The following SHROOM4 variants were observed in gnomAD, a reference collection of about 807,000 sequenced individuals.
SHROOM4 encodes the protein protein Shroom4.
SHROOM4 carries 17 observed loss-of-function variants against 80.3 expected under a neutral mutation model. That is an observed-to-expected ratio of 0.21 (90% CI 0.14 to 0.32). The LOEUF is 0.32. Among genes scored for constraint, SHROOM4 ranks in the 10% least tolerant of loss-of-function variants. The pLI, the probability that SHROOM4 is intolerant of heterozygous loss-of-function variation, is 1.00. For synonymous variants in SHROOM4, 400 were observed against 437.5 expected (o/e 0.91, Z 1.07); for missense variants, 993 against 1,140.3 (o/e 0.87, Z 1.86).
At chrX:50,671,124 A>G (rs1932793933) in intron 2 of SHROOM4, among the ~76,000 whole-genome samples, 1 of 111,750 alleles carries the variant, frequency 8.9e-6, no homozygotes, top group Non-Finnish European at 1.9e-5. Flanking sequence ...CTGAGCAGTA[A>G]TTATCAACAA....
At chrX:50,615,130 G>GTGTATA (rs2053342980) in intron 5 of SHROOM4, among the ~76,000 whole-genome samples, 1 of 100,146 alleles carries the variant, frequency 1.0e-5, no homozygotes, top group Non-Finnish European at 2.0e-5. Context: ...GTGTGTGTGT[G>GTGTATA]TATACACTAA....
At chrX:50,730,628 A>G (rs1332549708) in intron 1 of SHROOM4, among the ~76,000 whole-genome samples, 1 of 108,278 alleles carries the variant, frequency 9.2e-6, no homozygotes, top group Non-Finnish European at 1.9e-5. Flanking sequence ...TACAAAAATT[A>G]GCCAGGCTTG....
At chrX:50,625,957 G>A (rs915095180) in intron 5 of SHROOM4, among the ~76,000 whole-genome samples, 3 of 112,087 alleles carry the variant, frequency 2.7e-5, no homozygotes. Flanking sequence ...TTTCCTGAGA[G>A]TTTACGGTGT....
At chrX:50,727,631 G>A (rs1407973487) in intron 1 of SHROOM4, among the ~76,000 whole-genome samples, 3 of 112,017 alleles carry the variant, frequency 2.7e-5, no homozygotes, top group Non-Finnish European at 3.8e-5. Context: ...CTGCTGCCAC[G>A]TAAGATGTTC....
chrX:50,795,051 G>GATATATATATATATGATAT (rs57853672), intron 1 of SHROOM4, among the ~76,000 whole-genome samples: 1 of 2,515 alleles, frequency 4.0e-4, no homozygotes, highest in African/African-American at 4.6e-4. Context: ...ATATATATAT[G>GATATATATATATATGATAT]ATATATATAT....
intron 1 of SHROOM4, among the ~76,000 whole-genome samples, chrX:50,715,749 G>A (rs782773898): frequency 1.1e-4 from 12 of 110,354 alleles, no homozygotes; most frequent in Non-Finnish European, 2.3e-4. Flanking sequence ...GGCTTGCACA[G>A]CGGTGGTGGG....
intron 1 of SHROOM4, among the ~76,000 whole-genome samples, chrX:50,804,648 G>A (rs147710269): frequency 0.024 from 2,656 of 111,786 alleles, 34 homozygotes; most frequent in Middle Eastern, 0.065. Context: ...CCTGAGTCTC[G>A]GTTCTTCATC....
At chrX:50,774,076 A>G (rs1053805035) in intron 1 of SHROOM4, among the ~76,000 whole-genome samples, 1 of 112,073 alleles carries the variant, frequency 8.9e-6, no homozygotes, top group African/African-American at 3.2e-5. Context: ...AGCCTACAAA[A>G]TAAGCCACTT....
intron 2 of SHROOM4, among the ~76,000 whole-genome samples, chrX:50,690,993 T>C (rs1401284382): frequency 8.9e-6 from 1 of 112,748 alleles, no homozygotes; most frequent in African/African-American, 3.2e-5. Flanking sequence ...AAGCTTTTCT[T>C]TGTGACATAC....
intron 1 of SHROOM4, among the ~76,000 whole-genome samples, chrX:50,801,291 A>AGAGAGAGAGAGAGAGAGAGAGAGAGAG (rs782711842): frequency 2.9e-5 from 3 of 103,516 alleles, no homozygotes; most frequent in African/African-American, 7.1e-5. Flanking sequence ...AGAGAGAGAG[A>AGAGAGAGAGAGAGAGAGAGAGAGAGAG]ACACGTACTG....
chrX:50,726,026 G>A (rs1934236112), intron 1 of SHROOM4, among the ~76,000 whole-genome samples: 2 of 111,883 alleles, frequency 1.8e-5, no homozygotes, highest in African/African-American at 3.3e-5. Flanking sequence ...CCACGCTGCG[G>A]TGGTCTCAGA....
rs781850184 is a variant in SHROOM4, at chrX:50,806,178, AAAG to A, written c.117+7721_117+7723del. ...GGATGGGAACTAAAGACTTGACATG[AAAG>A]AAGGACAGCCTAGATGCATGGAAAA... On this transcript the variant is annotated intron_variant, in intron 1 of 8. Transcript: ENST00000376020. Among the ~76,000 whole-genome samples the A allele has an allele frequency of 4.0e-3, 450 of 111,883 alleles. 3 individuals carry two copies. The highest frequency in any genetic ancestry group is 0.014 in the African/African-American group (416 of 30,790).
intron 2 of SHROOM4, among the ~76,000 whole-genome samples, chrX:50,677,849 T>C (rs1932873754): frequency 9.0e-6 from 1 of 111,674 alleles, no homozygotes; most frequent in South Asian, 3.7e-4. Flanking sequence ...AAGTTTTAGG[T>C]AAGTCTGAGT....
intron 5 of SHROOM4, among the ~76,000 whole-genome samples, chrX:50,618,632 T>G (rs782783538): frequency 1.8e-5 from 2 of 110,733 alleles, no homozygotes; most frequent in South Asian, 7.5e-4. Flanking sequence ...AAGTGATCTA[T>G]CCACCTTGGC....
intron 1 of SHROOM4, among the ~76,000 whole-genome samples, chrX:50,726,114 C>T (rs1361544017): frequency 2.7e-5 from 3 of 111,834 alleles, no homozygotes; most frequent in Non-Finnish European, 5.6e-5. Flanking sequence ...TGGCATTGCC[C>T]CTGCCCTAGA....
At chrX:50,808,824 G>A (rs959664061) in intron 1 of SHROOM4, among the ~76,000 whole-genome samples, 4 of 110,670 alleles carry the variant, frequency 3.6e-5, no homozygotes, top group African/African-American at 1.3e-4. Context: ...GTTTTGGAGA[G>A]GGAAAATCCT....
At chrX:50,692,609 C>T (rs1933250247) in intron 2 of SHROOM4, among the ~76,000 whole-genome samples, 1 of 111,195 alleles carries the variant, frequency 9.0e-6, no homozygotes, top group Admixed American at 9.5e-5. Flanking sequence ...AAAACGCTTC[C>T]AAATTCACCA....
At chrX:50,656,979 C>T (rs1167210395) in intron 2 of SHROOM4, among the ~76,000 whole-genome samples, 2 of 110,594 alleles carry the variant, frequency 1.8e-5, no homozygotes, top group Non-Finnish European at 3.8e-5. Flanking sequence ...ATTTTTACCT[C>T]ATTGATTAAA....
rs782546619 is a variant in SHROOM4, at chrX:50,602,763, G to T, written c.3812C>A (p.Thr1271Asn). Residue 1271 changes from threonine (T) to asparagine (N), a missense_variant, in exon 7 of 9, where the codon ACC becomes AAC. Physicochemically the swap from Thr to Asn is moderately conservative, Grantham distance 65 (BLOSUM62 0). Transcript: ENST00000376020. ...AATATTGTAATAAGCTGAGTAAGAG[G>T]TAGGGATTCCTGGGGCCCCTGAAGG... is the stretch of plus-strand genomic sequence containing the variant. ...SPPSGAPGIP[T>N]SYSAYYNISV... The T allele has an allele frequency of 8.3e-7, 1 of 1,211,339 alleles. No homozygotes were observed. The highest frequency in any genetic ancestry group is 1.1e-6 in the Non-Finnish European group (1 of 895,250).
Sources: gnomAD v4.1 joint callset for allele counts (sites outside exome capture counted in the v4.1 genomes callset) on GRCh38, gnomAD v4.1.1 for gene constraint, MANE v1.5 for transcripts, NCBI Gene and HGNC (gene_info 2026-07-23, HGNC 2026-07-21) for gene names.